Variants in HLA-C observed in about 807,000 individuals in gnomAD.
HLA-C encodes major histocompatibility complex, class I, C, also known as HLA class I histocompatibility antigen, C alpha chain.
A neutral mutation model predicts 36.9 loss-of-function variants in HLA-C; 15 were observed. The ratio of observed to expected loss-of-function variants is 0.41; its 90% confidence interval spans 0.27 to 0.63. The LOEUF (loss-of-function observed/expected upper bound fraction) is 0.63. Among genes scored for constraint, HLA-C ranks in the 20% least tolerant of loss-of-function variants. HLA-C has a pLI of 0.35. For synonymous variants in HLA-C, 104 were observed against 174.3 expected (o/e 0.60, Z 3.18); for missense variants, 272 against 400.4 (o/e 0.68, Z 2.74).
rs193100294 is a variant in HLA-C at position 31,269,122 on chromosome 6, A to G, written c.*47T>C. On this transcript the variant is annotated 3_prime_UTR_variant, in exon 8 of 8. Transcript: ENST00000376228. ...CCAGAGGCTCTTGAAGTCACAAAGG[A>G]GAGGTGTGAAGAAATCCTGCATCTC... 1.5e-3 allele frequency: 2,069 copies of G among 1,367,278 alleles called. 4 individuals carry two copies. Among genetic ancestry groups the G allele is most frequent in the Middle Eastern group, 7.4e-3 (39 of 5,248 alleles). 84.7% of individuals were successfully genotyped at this position (1,367,278 alleles called of 1,614,324 possible). A position where few individuals can be genotyped will look rare whatever the true frequency, so the allele number is the denominator to read the frequency against.
chr6:31,271,073 C>CCG lies in HLA-C; in HGVS notation c.618_619insCG (p.Glu207ArgfsTer8). 1.1e-6 allele frequency: 1 copy of CCG among 893,858 alleles called. No individual in the cohort carries two copies. Among genetic ancestry groups the CCG allele is most frequent in the South Asian group, 2.0e-5 (1 of 50,186 alleles). 55.4% of individuals were successfully genotyped at this position (893,858 alleles called of 1,614,324 possible). ...GAAGGCTCCCCACTGCCCCTGGTACCTGCGCGCTGCAGCGTCTCCTTCCCG... is the reference window on the plus strand; with the variant it reads ...GAAGGCTCCCCACTGCCCCTGGTACCCGTGCGCGCTGCAGCGTCTCCTTCCCG... On this transcript the variant is annotated frameshift_variant and splice_region_variant, in exon 3 of 8. Coordinates refer to ENST00000376228, the Ensembl canonical transcript of HLA-C. LOFTEE classifies it high-confidence loss of function.
chr6:31,270,985 T>C (rs9264652), intron 3 of HLA-C, 88 bp downstream of exon 3: 30,954 of 628,118 alleles, frequency 0.049, 13,398 homozygotes, highest in South Asian at 0.2. Context: ...GATATTCCAG[T>C]GCTGATCCCA....
intron 1 of HLA-C, 48 bp downstream of exon 1, chr6:31,271,951 C>T: frequency 9.1e-7 from 1 of 1,095,362 alleles, no homozygotes; most frequent in Non-Finnish European, 1.2e-6. Flanking sequence ...CGGGAGGGCC[C>T]CTCGCTCCTC....
rs41552417 is a variant in HLA-C, at chr6:31,271,097, C to A, written c.595G>T (p.Gly199Trp). 50 of 1,123,054 alleles carry A rather than the reference C, an allele frequency of 4.5e-5. 8 individuals are homozygous for A. The South Asian group carries it at 6.0e-4, about 14-fold the overall frequency. The allele number at this position is 1,123,054 out of a possible 1,614,324, so 69.6% of individuals were successfully genotyped here. The change falls in exon 3 of 8, where the codon GGG (glycine) becomes TGG (tryptophan). Residue 199 changes from glycine (G) to tryptophan (W), a missense_variant. Gly to Trp is a radical substitution (Grantham distance 184). Transcript: ENST00000376228. Reference sequence around the variant, plus strand: ...CCTGCGCGCTGCAGCGTCTCCTTCCCGTTCTCCAGGTATCTGCGGAGCCAC... The same window carrying A: ...CCTGCGCGCTGCAGCGTCTCCTTCCAGTTCTCCAGGTATCTGCGGAGCCAC...
intron 3 of HLA-C, 108 bp downstream of exon 3, chr6:31,270,965 A>G (rs1407583748): frequency 3.1e-6 from 2 of 644,098 alleles, no homozygotes; most frequent in African/African-American, 8.6e-5. Context: ...TTCTCCATTC[A>G]AGGGAGGGCG....
chr6:31,271,323 A>G (rs1554181495), exon 3 of HLA-C: 37,416 of 1,003,482 alleles, frequency 0.037, 7,001 homozygotes, highest in South Asian at 0.074. Context: ...GGTCGCAGCC[A>G]GACATCCTCT....
At chr6:31,268,790 T>C (rs1049281) in exon 8 of HLA-C, 109,291 of 173,056 alleles carry the variant, frequency 0.63, 38,241 homozygotes, top group East Asian at 0.81. Flanking sequence ...TCTCAACTTC[T>C]AGGAATTGAC....
At chr6:31,272,092 T>C (rs2074492) in exon 1 of HLA-C, 125,377 of 848,214 alleles carry the variant, frequency 0.15, 29,902 homozygotes, top group South Asian at 0.34. Flanking sequence ...GGGGAGAATG[T>C]GAGTCCGGGT....
chr6:31,271,629 G>C (rs1421337981), exon 2 of HLA-C: 1 of 1,135,080 alleles, frequency 8.8e-7, no homozygotes, highest in Non-Finnish European at 1.2e-6. Flanking sequence ...TAGCCGCGCA[G>C]GTTCCGCAGG....
exon 1 of HLA-C, chr6:31,272,047 G>A (rs751484302): frequency 9.7e-7 from 1 of 1,026,646 alleles, no homozygotes; most frequent in Non-Finnish European, 1.3e-6. Flanking sequence ...AGCAGGAGGA[G>A]GGCTCGGGGC....
chr6:31,271,336 A>ATGATGTGAGACCCTGGCCCCGGCCCCGC lies in HLA-C; in HGVS notation c.355_356insGCGGGGCCGGGGCCAGGGTCTCACATCA (p.Leu119ArgfsTer29). 2 of 997,056 alleles carry ATGATGTGAGACCCTGGCCCCGGCCCCGC rather than the reference A, an allele frequency of 2.0e-6. No individual in the cohort carries two copies. The highest frequency in any genetic ancestry group is 3.1e-5 in the South Asian group (2 of 64,432). 61.8% of individuals were successfully genotyped at this position (997,056 alleles called of 1,614,324 possible). A position where few individuals can be genotyped will look rare whatever the true frequency, so the allele number is the denominator to read the frequency against. ...CAGGTCGCAGCCAGACATCCTCTGG[A>ATGATGTGAGACCCTGGCCCCGGCCCCGC]GGGTGTGAGACCCTGGCCCCGCCCC... is the stretch of plus-strand genomic sequence containing the variant. On this transcript the variant is annotated frameshift_variant, in exon 3 of 8. Transcript: ENST00000376228. LOFTEE classifies it high-confidence loss of function.
intron 1 of HLA-C, 38 bp from the exon 2 acceptor site, chr6:31,271,906 C>T (rs776137329): frequency 5.1e-6 from 6 of 1,184,640 alleles, no homozygotes; most frequent in Admixed American, 5.3e-5. Flanking sequence ...CCCGACCCAC[C>T]TCCCTGCGCG....
rs281860325 is a variant in HLA-C, at chr6:31,271,849, AT to A, written c.92del (p.Tyr31PhefsTer70). 4 of 1,284,458 alleles carry A rather than the reference AT, an allele frequency of 3.1e-6. 1 individual carries two copies. Among genetic ancestry groups the A allele is most frequent in the Non-Finnish European group, 4.1e-6 (4 of 963,982 alleles). The allele number at this position is 1,284,458 out of a possible 1,614,324, so 79.6% of individuals were successfully genotyped here. A position where few individuals can be genotyped will look rare whatever the true frequency, so the allele number is the denominator to read the frequency against. On this transcript the variant is annotated frameshift_variant, in exon 2 of 8. Transcript: ENST00000376228. LOFTEE classifies it high-confidence loss of function. ...CGGGCCGGGACACGGCGGTGTCGAAATACCTCATGGAGTGGGAGCCTGGGGG... is the reference window on the plus strand; with the variant it reads ...CGGGCCGGGACACGGCGGTGTCGAAAACCTCATGGAGTGGGAGCCTGGGGG...
At position 31,271,180 on chromosome 6, in the gene HLA-C, A is replaced by C. The variant is rs1050366; in HGVS notation, c.512T>G (p.Leu171Trp). Residue 171 changes from leucine to tryptophan, a missense_variant, in exon 3 of 8, where the codon TTG (leucine) becomes TGG (tryptophan). Around this residue, in one of 8 missense-constraint regions of HLA-C, gnomAD observed 49 missense variants for 93.9 expected, o/e 0.52. Transcript: ENST00000376228. ...CTGCTCCGCCGCACGGGCCGCCTCC[A>C]ACTTGCGCTGGGTGATCTGAGCCGC... 0.22 allele frequency: 203,966 copies of C among 938,782 alleles called. 90,282 individuals are homozygous for C. Among genetic ancestry groups the C allele is most frequent in the East Asian group, 0.45 (8,461 of 18,660 alleles). 58.2% of individuals were successfully genotyped at this position (938,782 alleles called of 1,614,324 possible).
chr6:31,271,217 C>G (rs41562518), exon 3 of HLA-C: 1 of 1,146,518 alleles, frequency 8.7e-7, no homozygotes, highest in East Asian at 3.9e-5. Flanking sequence ...GTGTCCGCGG[C>G]GGTCCAGGAG....
exon 8 of HLA-C, chr6:31,268,952 G>A: frequency 3.9e-6 from 2 of 515,094 alleles, no homozygotes; most frequent in Admixed American, 6.1e-5. Flanking sequence ...CACCTCTCTG[G>A]AACAGGAAAG....
Position 31,271,336 on chromosome 6 carries a change from AGG to A in HLA-C, c.354_355del (p.Leu119ProfsTer19), listed in dbSNP as rs778339286. ...CAGGTCGCAGCCAGACATCCTCTGGAGGGTGTGAGACCCTGGCCCCGCCCCCG... is the reference window on the plus strand; with the variant it reads ...CAGGTCGCAGCCAGACATCCTCTGGAGTGTGAGACCCTGGCCCCGCCCCCG... On this transcript the variant is annotated frameshift_variant, in exon 3 of 8. Transcript: ENST00000376228. LOFTEE classifies it high-confidence loss of function. 104 of 996,492 alleles carry A rather than the reference AGG, an allele frequency of 1.0e-4. No individual in the cohort carries two copies. Among genetic ancestry groups the A allele is most frequent in the Middle Eastern group, 7.6e-4 (2 of 2,636 alleles). 61.7% of individuals were successfully genotyped at this position (996,492 alleles called of 1,614,324 possible). A position where few individuals can be genotyped will look rare whatever the true frequency, so the allele number is the denominator to read the frequency against.
Position 31,271,329 on chromosome 6 carries a change from C to A in HLA-C, c.363G>T (p.Arg121Ser), listed in dbSNP as rs41556316. The change falls in exon 3 of 8, where the codon AGG becomes AGT. Residue 121 changes from arginine (R) to serine (S), a missense_variant. Arg to Ser is a moderately radical substitution (Grantham distance 110). Transcript: ENST00000376228. ...CGGGCCCCAGGTCGCAGCCAGACAT[C>A]CTCTGGAGGGTGTGAGACCCTGGCC... The A allele has an allele frequency of 6.4e-5, 65 of 1,013,678 alleles. 14 individuals carry two copies. The African/African-American group carries it at 1.6e-3, about 25-fold the overall frequency. The allele number at this position is 1,013,678 out of a possible 1,614,324, so 62.8% of individuals were successfully genotyped here.
chr6:31,271,556 TGGG>T (rs202049340), intron 2 of HLA-C, 40 bp downstream of exon 2: 1 of 1,104,728 alleles, frequency 9.1e-7, no homozygotes. Context: ...CCGTGGGGGA[TGGG>T]GAGGGGTCGT....
Sources: allele counts gnomAD v4.1 joint callset, GRCh38; gene constraint gnomAD v4.1.1; regional missense constraint gnomAD v4.1.1; transcripts MANE v1.5; gene names NCBI Gene and HGNC (gene_info 2026-07-23, HGNC 2026-07-21).